Variants in GPATCH1 observed in about 807,000 individuals in gnomAD.
GPATCH1 encodes the protein G-patch domain containing 1.
In GPATCH1, 73 loss-of-function variants were observed where a neutral mutation model predicts 114.9. That is an observed-to-expected ratio of 0.64 (90% CI 0.53 to 0.77). GPATCH1 has a LOEUF of 0.77. Among genes scored for constraint, GPATCH1 ranks in the 30% least tolerant of loss-of-function variants. The pLI, the probability that GPATCH1 is intolerant of heterozygous loss-of-function variation, is 0.00. For synonymous variants in GPATCH1, 391 were observed against 428.4 expected, an observed-to-expected ratio of 0.91 and a Z score of 1.08; for missense variants, 1,058 against 1,144.3, an observed-to-expected ratio of 0.92 and a Z score of 1.09.
At chr19:33,117,403 C>T (rs1022382397) in intron 15 of GPATCH1, among the ~76,000 whole-genome samples, 1 of 152,138 alleles carries the variant, frequency 6.6e-6, no homozygotes, top group Non-Finnish European at 1.5e-5. Flanking sequence ...CAGTGCTCTA[C>T]TGCATTTTTG....
intron 17 of GPATCH1, among the ~76,000 whole-genome samples, chr19:33,120,567 A>AT (rs1555721480): frequency 0.018 from 2,431 of 137,048 alleles, 28 homozygotes; most frequent in Non-Finnish European, 0.022. Context: ...AAAAAAAAAA[A>AT]GGTAAAAGAG....
In GPATCH1 at chr19:33,111,817, C is replaced by T. The variant is rs760430607; in HGVS notation, c.1679C>T (p.Ser560Phe). The T allele has an allele frequency of 1.2e-6, 2 of 1,613,964 alleles. No individual in the cohort carries two copies. Among genetic ancestry groups the T allele is most frequent in the Non-Finnish European group, 1.7e-6 (2 of 1,179,930 alleles). Residue 560 changes from serine (S) to phenylalanine (F), a missense_variant, in exon 12 of 20, where the codon TCT becomes TTT. Coordinates refer to ENST00000170564, the MANE Select transcript of GPATCH1 (RefSeq NM_018025.3). ...GCCCGGGCGGCCCTGCTGTACGCAT[C>T]TTCCCATTCGACCTTGTCCTCCAGG... The part of the protein sequence containing the change: ...EFARAALLYA[S>F]SHSTLSSRFT...
intron 7 of GPATCH1, among the ~76,000 whole-genome samples, chr19:33,097,343 G>A (rs1258227257): frequency 1.3e-5 from 2 of 152,172 alleles, no homozygotes; most frequent in Non-Finnish European, 2.9e-5. Flanking sequence ...TTCTTCCAGC[G>A]GGCAGTAGAG....
At chr19:33,113,513 ATTTTTAT>A (rs1972880986) in intron 13 of GPATCH1, 2 of 403,034 alleles carry the variant, frequency 5.0e-6, no homozygotes, top group Non-Finnish European at 8.9e-6. Flanking sequence ...CTTTAGGTAT[ATTTTTAT>A]CAGTGGAGCT....
In GPATCH1 at chr19:33,106,787, G is replaced by A; in HGVS notation, c.1173G>A (p.Leu391=). ...VAATSENSHL[L]QVLSESAGKA... The stretch of plus-strand genomic sequence containing the variant: ...CCACCTCCGAGAACTCACACTTACT[G>A]CAGGTATTATCAGAGTCAGCTGGAA... Residue 391 remains leucine (L), a synonymous_variant, in exon 10 of 20, where the codon CTG becomes CTA. Transcript: ENST00000170564. 6.2e-6 allele frequency: 10 copies of A among 1,613,848 alleles called. No homozygotes were observed. The highest frequency in any genetic ancestry group is 8.5e-6 in the Non-Finnish European group (10 of 1,179,942).
chr19:33,128,382 T>G (rs931239329), intron 19 of GPATCH1, among the ~76,000 whole-genome samples: 2 of 152,218 alleles, frequency 1.3e-5, no homozygotes, highest in African/African-American at 4.8e-5. Context: ...TGCCTCAGCC[T>G]CCTGAGTAGC....
At chr19:33,114,480 G>A in intron 15 of GPATCH1, 61 bp downstream of exon 15, 1 of 1,330,808 alleles carries the variant, frequency 7.5e-7, no homozygotes, top group Non-Finnish European at 1.0e-6. Context: ...TTTCTCTTTG[G>A]TGACACTTTC....
intron 2 of GPATCH1, among the ~76,000 whole-genome samples, chr19:33,089,974 C>T (rs1972576707): frequency 6.6e-6 from 1 of 152,142 alleles, no homozygotes; most frequent in African/African-American, 2.4e-5. Flanking sequence ...CTCACTCTGT[C>T]GCCCAGGCTT....
At chr19:33,099,895 C>T (rs1384245753) in intron 8 of GPATCH1, among the ~76,000 whole-genome samples, 1 of 151,578 alleles carries the variant, frequency 6.6e-6, no homozygotes, top group Admixed American at 6.6e-5. Flanking sequence ...CTCAGCCTCC[C>T]AAGGAGCTGG....
intron 9 of GPATCH1, among the ~76,000 whole-genome samples, chr19:33,105,427 AAG>A (rs1972772882): frequency 6.6e-6 from 1 of 151,366 alleles, no homozygotes; most frequent in Non-Finnish European, 1.5e-5. Flanking sequence ...AAAAAAAAAA[AAG>A]AAAAAGAAAA....
intron 3 of GPATCH1, among the ~76,000 whole-genome samples, chr19:33,092,678 C>T (rs1250116118): frequency 6.6e-6 from 1 of 152,226 alleles, no homozygotes; most frequent in Non-Finnish European, 1.5e-5. Flanking sequence ...GCAAAGGCAC[C>T]TGACTCTAGG....
intron 1 of GPATCH1, among the ~76,000 whole-genome samples, chr19:33,082,717 G>A (rs1972491582): frequency 6.6e-6 from 1 of 152,120 alleles, no homozygotes; most frequent in Admixed American, 6.5e-5. Context: ...GGCTGAGAAA[G>A]GCTAGTCTTC....
intron 15 of GPATCH1, among the ~76,000 whole-genome samples, chr19:33,115,027 T>C (rs8100392): frequency 0.4 from 60,479 of 149,444 alleles, 15,260 homozygotes; most frequent in African/African-American, 0.7. Flanking sequence ...AGGCTGGTCT[T>C]GAACTGGGAT....
At chr19:33,086,062 C>T (rs1454962105) in intron 1 of GPATCH1, among the ~76,000 whole-genome samples, 1 of 152,228 alleles carries the variant, frequency 6.6e-6, no homozygotes, top group African/African-American at 2.4e-5. Flanking sequence ...GGGGCATAAG[C>T]TGCTGCTATA....
chr19:33,083,929 C>T (rs1234754952), intron 1 of GPATCH1, among the ~76,000 whole-genome samples: 1 of 152,062 alleles, frequency 6.6e-6, no homozygotes, highest in Non-Finnish European at 1.5e-5. Context: ...CCAGCCTCAG[C>T]CTCCCGAGTG....
intron 3 of GPATCH1, among the ~76,000 whole-genome samples, chr19:33,092,531 A>G (rs200828383): frequency 3.8e-4 from 58 of 152,122 alleles, no homozygotes; most frequent in Non-Finnish European, 7.5e-4. Flanking sequence ...CTGCCTCCCC[A>G]ACACTGGGAG....
intron 14 of GPATCH1, 66 bp downstream of exon 14, chr19:33,113,969 GAATT>G: frequency 7.0e-7 from 1 of 1,431,562 alleles, no homozygotes; most frequent in Non-Finnish European, 9.7e-7. Context: ...TAGGAAGACA[GAATT>G]AAAGGGTAGT....
chr19:33,117,233 AATG>A lies in GPATCH1; in HGVS notation c.2197-588_2197-586del, dbSNP rs552115040. 1.6e-3 allele frequency among the ~76,000 whole-genome samples: 248 copies of A among 152,112 alleles called. 1 individual carries two copies. The highest frequency in any genetic ancestry group is 0.012 in the South Asian group (56 of 4,812). On this transcript the variant is annotated intron_variant, in intron 15 of 19. Coordinates refer to ENST00000170564, the MANE Select transcript of GPATCH1 (RefSeq NM_018025.3). ...AACAAATTATTATTCCTCTGTACAT[AATG>A]ATGTGATTTTTCTCCTAGCTGCTTT...
At chr19:33,096,118 C>A in intron 6 of GPATCH1, 89 bp from the exon 7 acceptor site, 1 of 1,302,112 alleles carries the variant, frequency 7.7e-7, no homozygotes, top group Non-Finnish European at 1.1e-6. Flanking sequence ...TTCTGTGTGG[C>A]ATTAATCACT....
Sources: allele counts gnomAD v4.1 joint callset (sites outside exome capture counted in the v4.1 genomes callset), GRCh38; gene constraint gnomAD v4.1.1; transcripts MANE v1.5; gene names NCBI Gene and HGNC (gene_info 2026-07-23, HGNC 2026-07-21).